PRKN: variants seen among roughly 807,000 people sequenced by gnomAD.
PRKN encodes the protein parkin RBR E3 ubiquitin protein ligase, also known as E3 ubiquitin-protein ligase parkin.
In PRKN, 56 loss-of-function variants were observed where a neutral mutation model predicts 59.5. The observed-to-expected ratio is 0.94, with a 90% CI of 0.76 to 1.18. The LOEUF is 1.18. Among genes scored for constraint, PRKN ranks in the 50% most tolerant of loss-of-function variants. PRKN has a pLI of 0.00. For missense variants in PRKN, 657 were observed against 596.4 expected (o/e 1.10, Z -1.06); for synonymous variants, 250 against 222.1 (o/e 1.13, Z -1.12).
chr6:162,418,613 A>AGTGTGTGTGTGTGTGTGTGTGTGTGT lies in PRKN; in HGVS notation c.171+24671_171+24696dup, dbSNP rs140621171. 7.4e-3 allele frequency among the ~76,000 whole-genome samples: 932 copies of AGTGTGTGTGTGTGTGTGTGTGTGTGT among 126,344 alleles called. 24 individuals carry two copies. Among genetic ancestry groups the AGTGTGTGTGTGTGTGTGTGTGTGTGT allele is most frequent in the East Asian group, 0.013 (47 of 3,600 alleles). 82.9% of individuals were successfully genotyped at this position (126,344 alleles called of 152,430 possible). On this transcript the variant is annotated intron_variant, in intron 2 of 11. Transcript: ENST00000366898. ...AAGTGATGAAGAGAGAGGGACAGAC[A>AGTGTGTGTGTGTGTGTGTGTGTGTGT]GTGTGTGTGTGTGTGTGTGTGTGTG...
At chr6:162,408,121 T>C (rs957960636) in intron 2 of PRKN, among the ~76,000 whole-genome samples, 6 of 152,126 alleles carry the variant, frequency 3.9e-5, no homozygotes, top group South Asian at 2.1e-4. Context: ...TTGAACCAGT[T>C]TTGTCATCCT....
chr6:161,746,580 T>C (rs1788423976), intron 7 of PRKN, among the ~76,000 whole-genome samples: 2 of 145,874 alleles, frequency 1.4e-5, no homozygotes, highest in African/African-American at 5.1e-5. Context: ...TTTATATATA[T>C]ATATATACAC....
Position 161,503,706 on chromosome 6 carries a change from C to T in PRKN, c.1083+45148G>A, listed in dbSNP as rs565338957. Among the ~76,000 whole-genome samples the T allele has an allele frequency of 1.8e-4, 28 of 152,304 alleles. No individual in the cohort carries two copies. Among genetic ancestry groups the T allele is most frequent in the East Asian group, 1.2e-3 (6 of 5,188 alleles). ...ATGAAGGTCACAACCAGAAGCAGTCCGGCCTGCAGTTGCTGTTTTAAAAAA... is the reference window on the plus strand; with the variant it reads ...ATGAAGGTCACAACCAGAAGCAGTCTGGCCTGCAGTTGCTGTTTTAAAAAA... On this transcript the variant is annotated intron_variant, in intron 9 of 11. Transcript: ENST00000366898. The surrounding 1 kb of genome is among the most constrained non-coding windows in gnomAD (Gnocchi z 5.1).
intron 5 of PRKN, among the ~76,000 whole-genome samples, chr6:161,997,307 C>A (rs532392416): frequency 1.2e-4 from 18 of 152,176 alleles, no homozygotes; most frequent in Non-Finnish European, 2.4e-4. Context: ...CAAACTACAA[C>A]CTTCTCCTTA....
chr6:162,521,869 G>A (rs768009969), intron 1 of PRKN, among the ~76,000 whole-genome samples: 1 of 151,934 alleles, frequency 6.6e-6, no homozygotes, highest in Non-Finnish European at 1.5e-5. Context: ...TAAATATTAG[G>A]GGCAAGTAAG....
At position 161,526,276 on chromosome 6, in the gene PRKN, T is replaced by C. The variant is rs1391296125; in HGVS notation, c.1083+22578A>G. 3.3e-5 allele frequency among the ~76,000 whole-genome samples: 5 copies of C among 152,254 alleles called. No individual in the cohort carries two copies. The highest frequency in any genetic ancestry group is 6.5e-5 in the Admixed American group (1 of 15,288). On this transcript the variant is annotated intron_variant, in intron 9 of 11. Coordinates refer to ENST00000366898, the MANE Select transcript of PRKN (RefSeq NM_004562.3). The surrounding 1 kb of genome is among the most constrained non-coding windows in gnomAD (Gnocchi z 4.1). The stretch of plus-strand genomic sequence containing the variant: ...GGCTCCAGCCTCCAGTAGACACTCA[T>C]GTGTTCAGACACATGCATGTGCGTG...
chr6:162,601,989 T>C (rs943659533), intron 1 of PRKN, among the ~76,000 whole-genome samples: 1 of 152,168 alleles, frequency 6.6e-6, no homozygotes, highest in Non-Finnish European at 1.5e-5. Flanking sequence ...GTGCCAAGGA[T>C]TGGGAGTACA....
intron 2 of PRKN, among the ~76,000 whole-genome samples, chr6:162,297,003 A>T (rs989088563): frequency 1.3e-5 from 2 of 152,080 alleles, no homozygotes; most frequent in Non-Finnish European, 1.5e-5. Flanking sequence ...CAAGGAAAAA[A>T]TTAATGGCAA....
chr6:161,930,130 AG>A (rs1323379469), intron 6 of PRKN, among the ~76,000 whole-genome samples: 1 of 152,240 alleles, frequency 6.6e-6, no homozygotes, highest in Non-Finnish European at 1.5e-5. Flanking sequence ...TCCCAGCTCA[AG>A]GAAGAACTAG....
At chr6:161,963,932 T>C (rs1780479572) in intron 6 of PRKN, among the ~76,000 whole-genome samples, 1 of 150,898 alleles carries the variant, frequency 6.6e-6, no homozygotes, top group African/African-American at 2.5e-5. Flanking sequence ...CAGCTCTGTA[T>C]TTTTCTACTC....
intron 1 of PRKN, among the ~76,000 whole-genome samples, chr6:162,579,618 C>T (rs539675128): frequency 6.7e-6 from 1 of 149,526 alleles, no homozygotes; most frequent in Non-Finnish European, 1.5e-5. Flanking sequence ...CACACAGATA[C>T]ACACATACAC....
chr6:161,439,844 G>A (rs1386720224), intron 9 of PRKN, among the ~76,000 whole-genome samples: 1 of 152,132 alleles, frequency 6.6e-6, no homozygotes, highest in Non-Finnish European at 1.5e-5. Flanking sequence ...AATCTCGTGG[G>A]GCAGGTACTA....
At chr6:162,670,400 A>G (rs1475427214) in intron 1 of PRKN, among the ~76,000 whole-genome samples, 4 of 152,202 alleles carry the variant, frequency 2.6e-5, no homozygotes, top group African/African-American at 2.4e-5. Context: ...TCAAAAATCA[A>G]TAGCAATTTA....
At chr6:162,385,171 G>A (rs1457661378) in intron 2 of PRKN, among the ~76,000 whole-genome samples, 2 of 152,130 alleles carry the variant, frequency 1.3e-5, no homozygotes, top group Non-Finnish European at 2.9e-5. Flanking sequence ...GAAATAGGGA[G>A]TATGTCCCCA....
intron 5 of PRKN, among the ~76,000 whole-genome samples, chr6:162,009,621 A>T (rs1011037206): frequency 1.3e-5 from 2 of 151,780 alleles, no homozygotes; most frequent in Non-Finnish European, 2.9e-5. Context: ...ACAGGCACAC[A>T]GGATGCATGC....
chr6:161,351,138 A>T lies in PRKN; in HGVS notation c.1286-927T>A, dbSNP rs574562760. ...TATATAAATATATTTTTATATATTTATATTTAAAATATATATAAATATATT... is the reference window on the plus strand; with the variant it reads ...TATATAAATATATTTTTATATATTTTTATTTAAAATATATATAAATATATT... On this transcript the variant is annotated intron_variant, in intron 11 of 11. Coordinates refer to ENST00000366898, the MANE Select transcript of PRKN (RefSeq NM_004562.3). Among the ~76,000 whole-genome samples the T allele has an allele frequency of 4.6e-5, 6 of 129,082 alleles. No homozygotes were observed. In the East Asian group the frequency reaches 1.3e-3, roughly 27 times the overall value. The allele number at this position is 129,082 out of a possible 152,430, so 84.7% of individuals were successfully genotyped here. A position where few individuals can be genotyped will look rare whatever the true frequency, so the allele number is the denominator to read the frequency against.
chr6:161,856,735 T>C (rs1045597828), intron 6 of PRKN, among the ~76,000 whole-genome samples: 1 of 152,262 alleles, frequency 6.6e-6, no homozygotes, highest in Middle Eastern at 3.4e-3. Context: ...TTCTTTTAGG[T>C]GCATTGGAAC....
intron 7 of PRKN, among the ~76,000 whole-genome samples, chr6:161,645,767 T>C (rs557486962): frequency 6.6e-6 from 1 of 152,268 alleles, no homozygotes; most frequent in African/African-American, 2.4e-5. Context: ...AAGAGCAGAA[T>C]AATGGCACTG....
chr6:161,942,835 C>T (rs1779615515), intron 6 of PRKN, among the ~76,000 whole-genome samples: 1 of 152,102 alleles, frequency 6.6e-6, no homozygotes, highest in African/African-American at 2.4e-5. Flanking sequence ...ACAGCATATA[C>T]CCCTTTAAGA....
Sources: gnomAD v4.1 joint callset for allele counts (sites outside exome capture counted in the v4.1 genomes callset) on GRCh38, gnomAD v4.1.1 for gene constraint, Gnocchi (gnomAD v3.1) non-coding constraint, MANE v1.5 for transcripts, NCBI Gene and HGNC (gene_info 2026-07-23, HGNC 2026-07-21) for gene names.